Variants in PTPRF observed in about 807,000 individuals in gnomAD.
The protein encoded by PTPRF is receptor-type tyrosine-protein phosphatase F.
PTPRF carries 59 observed loss-of-function variants against 201.8 expected under a neutral mutation model. That is an observed-to-expected ratio of 0.29 (90% CI 0.24 to 0.36). The LOEUF is 0.36. Ranked by LOEUF, PTPRF falls within the 10% of genes least tolerant of loss-of-function variation. The pLI is 1.00. For synonymous variants in PTPRF, 1,088 were observed against 1,089.7 expected, an observed-to-expected ratio of 1.00 and a Z score of 0.03; for missense variants, 2,132 against 2,690.5, an observed-to-expected ratio of 0.79 and a Z score of 4.59.
intron 5 of PTPRF, among the ~76,000 whole-genome samples, chr1:43,561,872 G>A (rs992454382): frequency 6.6e-6 from 1 of 152,134 alleles, no homozygotes; most frequent in African/African-American, 2.4e-5. Context: ...TGCCTCTTCT[G>A]TTAGCCATGG....
Position 43,606,474 on chromosome 1 carries a change from C to G in PTPRF, c.3702+16C>G. 6.2e-7 allele frequency: 1 copy of G among 1,602,698 alleles called. No individual in the cohort carries two copies. ...CATGGACCAGGTCTGCCTGAGCCGG[C>G]TTGGCTGTCAGCACCCTGATTCCCT... On this transcript the variant is annotated intron_variant, in intron 20 of 33. Transcript: ENST00000359947.
At chr1:43,583,206 C>A in intron 7 of PTPRF, 1 of 746,032 alleles carries the variant, frequency 1.3e-6, no homozygotes, top group Non-Finnish European at 1.6e-6. Flanking sequence ...GCCGTGCCTG[C>A]CTGCCAGTCT....
chr1:43,531,864 C>T (rs143612036), intron 1 of PTPRF, among the ~76,000 whole-genome samples: 1 of 152,344 alleles, frequency 6.6e-6, no homozygotes, highest in East Asian at 1.9e-4. Flanking sequence ...TCCCCATCGC[C>T]GTGCCGGCGT....
chr1:43,605,567 G>C lies in PTPRF; in HGVS notation c.3428G>C (p.Gly1143Ala). 6.2e-7 allele frequency: 1 copy of C among 1,614,148 alleles called. No homozygotes were observed. The highest frequency in any genetic ancestry group is 1.1e-5 in the South Asian group (1 of 91,084). Reference protein sequence around the residue: ...YIVVVPIDRVGGSMLTPRWST... With the variant: ...YIVVVPIDRVAGSMLTPRWST... Reference sequence around the variant, plus strand: ...GTTGTGGTGCCCATTGACCGTGTGGGCGGGAGCATGCTGACGCCAAGGTGG... The same window carrying C: ...GTTGTGGTGCCCATTGACCGTGTGGCCGGGAGCATGCTGACGCCAAGGTGG... The change falls in exon 19 of 34, where the codon GGC (glycine) becomes GCC (alanine). Residue 1143 changes from glycine to alanine, a missense_variant. Physicochemically the swap from Gly to Ala is moderately conservative, Grantham distance 60. This residue lies in a region of PTPRF where 818 missense variants were observed against 915.3 expected (regional missense o/e 0.89). Transcript: ENST00000359947.
At chr1:43,522,316 G>A (rs367582092), upstream of PTPRF, among the ~76,000 whole-genome samples, 1 of 152,302 alleles carries the variant, frequency 6.6e-6, no homozygotes, top group African/African-American at 2.4e-5. Context: ...CCTAATAGAG[G>A]AAATGAGTGA....
At chr1:43,575,392 G>T (rs1241040254) in intron 6 of PTPRF, among the ~76,000 whole-genome samples, 1 of 152,130 alleles carries the variant, frequency 6.6e-6, no homozygotes, top group Non-Finnish European at 1.5e-5. Context: ...CCTGCTGCCC[G>T]TTCCTCTCGG....
chr1:43,534,779 A>G (rs1643900487), intron 1 of PTPRF, among the ~76,000 whole-genome samples: 2 of 152,176 alleles, frequency 1.3e-5, no homozygotes, highest in South Asian at 4.1e-4. Context: ...GCACCTCGAG[A>G]GAAAGTAACC....
Position 43,603,394 on chromosome 1 carries a change from C to G in PTPRF, c.2341-22C>G. The G allele has an allele frequency of 6.2e-7, 1 of 1,604,188 alleles. No individual in the cohort carries two copies. Among genetic ancestry groups the G allele is most frequent in the Non-Finnish European group, 8.5e-7 (1 of 1,171,048 alleles). On this transcript the variant is annotated intron_variant, in intron 14 of 33. Coordinates refer to ENST00000359947, the MANE Select transcript of PTPRF (RefSeq NM_002840.5). The surrounding 1 kb of genome is among the most constrained non-coding windows in gnomAD (Gnocchi z 5.8). ...TCTCCCTGCATTCTTGTGATGGGAA[C>G]GAACCCCTCCTCCTCCCTCAGGAAA...
At chr1:43,609,302 T>G in intron 21 of PTPRF, 81 bp from the exon 22 acceptor site, 1 of 1,154,026 alleles carries the variant, frequency 8.7e-7, no homozygotes, top group East Asian at 2.5e-5. Context: ...ACATGGGGGC[T>G]CCTTGGCAGC....
intron 13 of PTPRF, among the ~76,000 whole-genome samples, chr1:43,599,279 T>C (rs1357595544): frequency 1.3e-5 from 2 of 152,178 alleles, no homozygotes; most frequent in Non-Finnish European, 2.9e-5. Context: ...TTTCACCATA[T>C]TGGCCAGGCT....
At chr1:43,606,737 T>G in intron 20 of PTPRF, 77 bp from the exon 21 acceptor site, 2 of 1,555,520 alleles carry the variant, frequency 1.3e-6, no homozygotes, top group Non-Finnish European at 1.7e-6. Context: ...CCAGAGCCCT[T>G]TCTCCAGGAT....
intron 3 of PTPRF, among the ~76,000 whole-genome samples, chr1:43,551,750 C>T (rs899251940): frequency 6.6e-6 from 1 of 152,182 alleles, no homozygotes; most frequent in African/African-American, 2.4e-5. Flanking sequence ...AATGCTGGTA[C>T]GAGTGACAGC....
chr1:43,602,603 C>T (rs554157802), intron 14 of PTPRF, among the ~76,000 whole-genome samples: 2 of 146,842 alleles, frequency 1.4e-5, no homozygotes, highest in African/African-American at 2.5e-5. Context: ...GGGTTGATGA[C>T]GGCTCTGTTC....
At chr1:43,587,148 TTAGG>T (rs779919497) in intron 7 of PTPRF, among the ~76,000 whole-genome samples, 11 of 152,082 alleles carry the variant, frequency 7.2e-5, no homozygotes, top group Admixed American at 2.6e-4. Flanking sequence ...AAGTGCTAAA[TTAGG>T]TAGGGTCTCT....
chr1:43,528,339 C>T (rs1570816896), upstream of PTPRF, among the ~76,000 whole-genome samples: 1 of 152,094 alleles, frequency 6.6e-6, no homozygotes, highest in South Asian at 2.1e-4. Context: ...CAGGTGCACA[C>T]CTGGCTAATT....
chr1:43,582,913 T>G (rs1648100259), intron 7 of PTPRF, among the ~76,000 whole-genome samples: 1 of 152,220 alleles, frequency 6.6e-6, no homozygotes, highest in African/African-American at 2.4e-5. Flanking sequence ...TGTGCACCTG[T>G]GTGCATGTGT....
intron 12 of PTPRF, 160 bp downstream of exon 12, chr1:43,598,213 C>T (rs1652862230): frequency 2.7e-6 from 2 of 749,746 alleles, no homozygotes; most frequent in Admixed American, 7.1e-5. Flanking sequence ...TACGGGATAA[C>T]TGAGGCCCAA....
At chr1:43,558,718 A>G (rs892153928) in intron 5 of PTPRF, among the ~76,000 whole-genome samples, 4 of 152,250 alleles carry the variant, frequency 2.6e-5, no homozygotes, top group Non-Finnish European at 4.4e-5. Context: ...CCACTGAGAC[A>G]GGGAATCTGA....
Position 43,621,004 on chromosome 1 carries a change from C to T in PTPRF, c.5519+12C>T, listed in dbSNP as rs748117771. 2.2e-5 allele frequency: 36 copies of T among 1,611,666 alleles called. No individual in the cohort carries two copies. In the Admixed American group the frequency reaches 6.0e-4, roughly 27 times the overall value. On this transcript the variant is annotated intron_variant, in intron 32 of 33. Coordinates refer to ENST00000359947, the MANE Select transcript of PTPRF (RefSeq NM_002840.5). ...ACGGTGCACTGCAGGTGGGACTGGCCCCCTGGAGGGCTGGGGTGGGTGGGC... is the reference window on the plus strand; with the variant it reads ...ACGGTGCACTGCAGGTGGGACTGGCTCCCTGGAGGGCTGGGGTGGGTGGGC...
Sources: allele counts gnomAD v4.1 joint callset (sites outside exome capture counted in the v4.1 genomes callset), GRCh38; gene constraint gnomAD v4.1.1; regional missense constraint gnomAD v4.1.1; non-coding constraint Gnocchi (gnomAD v3.1); transcripts MANE v1.5; gene names NCBI Gene and HGNC (gene_info 2026-07-23, HGNC 2026-07-21).